Variants in ESRRG observed in about 807,000 individuals in gnomAD.
ESRRG encodes the protein estrogen related receptor gamma.
ESRRG carries 13 observed loss-of-function variants against 44.0 expected under a neutral mutation model. That is an observed-to-expected ratio of 0.30 (90% CI 0.19 to 0.47). The LOEUF is 0.47. Among genes scored for constraint, ESRRG ranks in the 20% least tolerant of loss-of-function variants. The pLI, the probability that ESRRG is intolerant of heterozygous loss-of-function variation, is 1.00. For synonymous variants in ESRRG, 215 were observed against 214.6 expected, an observed-to-expected ratio of 1.00 and a Z score of -0.02; for missense variants, 395 against 580.6, an observed-to-expected ratio of 0.68 and a Z score of 3.29.
At chr1:217,133,416 G>T (rs2092992753) in intron 1 of ESRRG, among the ~76,000 whole-genome samples, 1 of 152,256 alleles carries the variant, frequency 6.6e-6, no homozygotes, top group Non-Finnish European at 1.5e-5. Context: ...GGTACTGGGA[G>T]CCCACGCTCG....
chr1:216,556,640 A>T (rs1268347949), intron 5 of ESRRG, among the ~76,000 whole-genome samples: 1 of 152,134 alleles, frequency 6.6e-6, no homozygotes, highest in Non-Finnish European at 1.5e-5. Flanking sequence ...GTTTTTCATG[A>T]TGGGGTCCTT....
At chr1:217,034,272 G>A (rs2082500923) in intron 1 of ESRRG, among the ~76,000 whole-genome samples, 1 of 152,162 alleles carries the variant, frequency 6.6e-6, no homozygotes, top group Non-Finnish European at 1.5e-5. Flanking sequence ...GCTGTAGAAA[G>A]GGATCTCTTT....
intron 1 of ESRRG, among the ~76,000 whole-genome samples, chr1:216,691,244 A>G (rs761603223): frequency 6.6e-6 from 1 of 152,210 alleles, no homozygotes; most frequent in African/African-American, 2.4e-5. Flanking sequence ...AAAAGAGGAT[A>G]GTCATTTGAT....
intron 3 of ESRRG, among the ~76,000 whole-genome samples, chr1:216,624,736 C>T (rs2062875812): frequency 6.6e-6 from 1 of 152,100 alleles, no homozygotes; most frequent in South Asian, 2.1e-4. Context: ...TTTTTAACTG[C>T]TTCTAAGTCA....
At position 217,054,173 on chromosome 1, in the gene ESRRG, C is replaced by A. The variant is rs571456974; in HGVS notation, c.-106+35334G>T. The stretch of plus-strand genomic sequence containing the variant: ...CATGGGTATTTTTCTACTAAGTTTG[C>A]ACTTAGCCATTTCAGTTGTTTTTCA... On this transcript the variant is annotated intron_variant, in intron 1 of 7. Coordinates refer to the ESRRG transcript ENST00000359162. Among the ~76,000 whole-genome samples, 5 of 152,272 alleles carry A rather than the reference C, an allele frequency of 3.3e-5. No homozygotes were observed. In the East Asian group the frequency reaches 9.6e-4, roughly 29 times the overall value.
chr1:216,947,103 C>T (rs1259678823), intron 1 of ESRRG, among the ~76,000 whole-genome samples: 1 of 152,026 alleles, frequency 6.6e-6, no homozygotes, highest in African/African-American at 2.4e-5. Flanking sequence ...TCACCATTAT[C>T]CACTTCATCT....
intron 2 of ESRRG, among the ~76,000 whole-genome samples, chr1:216,807,129 G>A (rs937308863): frequency 3.9e-5 from 6 of 152,246 alleles, no homozygotes; most frequent in African/African-American, 9.6e-5. Flanking sequence ...CTTACGCCAT[G>A]GTTTGACATG....
chr1:216,566,491 T>C (rs1052453351), intron 4 of ESRRG, among the ~76,000 whole-genome samples: 10 of 152,286 alleles, frequency 6.6e-5, no homozygotes, highest in South Asian at 4.1e-4. Context: ...AAGAAAACCA[T>C]AGATGCTCCT....
At chr1:216,950,450 G>A (rs1044823570) in intron 1 of ESRRG, among the ~76,000 whole-genome samples, 3 of 152,170 alleles carry the variant, frequency 2.0e-5, no homozygotes, top group Non-Finnish European at 2.9e-5. Flanking sequence ...GTAAAGGAGA[G>A]TGTATCTGGT....
chr1:216,787,628 C>T (rs998855991), intron 2 of ESRRG, among the ~76,000 whole-genome samples: 7 of 146,312 alleles, frequency 4.8e-5, no homozygotes, highest in African/African-American at 1.8e-4. Flanking sequence ...AAAAAAATCC[C>T]GAAATGGCCT....
intron 2 of ESRRG, among the ~76,000 whole-genome samples, chr1:216,867,009 A>G (rs114431243): frequency 8.5e-5 from 13 of 152,354 alleles, no homozygotes; most frequent in African/African-American, 3.1e-4. Context: ...ATGAAAAGAT[A>G]TATTTGGTTT....
At chr1:216,704,598 C>T (rs1047385958) in intron 1 of ESRRG, among the ~76,000 whole-genome samples, 2 of 151,956 alleles carry the variant, frequency 1.3e-5, no homozygotes, top group African/African-American at 4.8e-5. Flanking sequence ...CCTTTCTGTA[C>T]ATATGGAGCC....
At chr1:216,935,218 C>T (rs1255597910) in intron 2 of ESRRG, among the ~76,000 whole-genome samples, 1 of 152,090 alleles carries the variant, frequency 6.6e-6, no homozygotes, top group Admixed American at 6.6e-5. Context: ...CACTCCCTAC[C>T]TGGAAACAGC....
intron 2 of ESRRG, among the ~76,000 whole-genome samples, chr1:216,929,388 G>A (rs942021816): frequency 3.3e-5 from 5 of 152,126 alleles, no homozygotes. Flanking sequence ...GAGAAAAGGG[G>A]CCATCAAAAA....
At chr1:216,956,679 A>G (rs2068020196) in intron 1 of ESRRG, among the ~76,000 whole-genome samples, 1 of 152,182 alleles carries the variant, frequency 6.6e-6, no homozygotes, top group South Asian at 2.1e-4. Flanking sequence ...GTGATGCACT[A>G]GGTATAATGT....
At chr1:216,832,701 T>C (rs1353750872) in intron 2 of ESRRG, among the ~76,000 whole-genome samples, 1 of 152,158 alleles carries the variant, frequency 6.6e-6, no homozygotes, top group Admixed American at 6.6e-5. Flanking sequence ...CAGTGGCTCA[T>C]GCCGGTAATA....
chr1:216,961,861 TAA>T (rs773593744), intron 1 of ESRRG, among the ~76,000 whole-genome samples: 14 of 152,246 alleles, frequency 9.2e-5, no homozygotes, highest in Non-Finnish European at 1.5e-4. Context: ...ACCATTTGGC[TAA>T]AAGAGAAAAA....
chr1:216,599,082 G>A (rs1366180438), intron 3 of ESRRG, among the ~76,000 whole-genome samples: 2 of 152,138 alleles, frequency 1.3e-5, no homozygotes, highest in Non-Finnish European at 2.9e-5. Flanking sequence ...AAGGAGATTG[G>A]TTGCAAATCA....
chr1:216,919,340 A>G (rs1409997015), intron 2 of ESRRG, among the ~76,000 whole-genome samples: 1 of 152,142 alleles, frequency 6.6e-6, no homozygotes, highest in Non-Finnish European at 1.5e-5. Context: ...ATAATTTTAT[A>G]TTCAATTTGT....
Sources: allele counts gnomAD v4.1 joint callset (sites outside exome capture counted in the v4.1 genomes callset), GRCh38; gene constraint gnomAD v4.1.1; transcripts MANE v1.5; gene names NCBI Gene and HGNC (gene_info 2026-07-23, HGNC 2026-07-21).